The following CNOT4 variants were observed in gnomAD, a reference collection of about 807,000 sequenced individuals.
The protein encoded by CNOT4 is CCR4-associated factor 4.
In CNOT4, 8 loss-of-function variants were observed where a neutral mutation model predicts 73.8. That is an observed-to-expected ratio of 0.11 (90% CI 0.06 to 0.20). The LOEUF is 0.20. Ranked by LOEUF, CNOT4 falls within the 10% of genes least tolerant of loss-of-function variation. The pLI is 1.00. For synonymous variants in CNOT4, 293 were observed against 321.1 expected, an observed-to-expected ratio of 0.91 and a Z score of 0.94; for missense variants, 564 against 883.4, an observed-to-expected ratio of 0.64 and a Z score of 4.58.
Position 135,363,952 on chromosome 7 carries a change from G to A in CNOT4, c.1742C>T (p.Ser581Phe). The A allele has an allele frequency of 1.5e-5, 24 of 1,598,608 alleles. No homozygotes were observed. Among genetic ancestry groups the A allele is most frequent in the Non-Finnish European group, 2.0e-5 (24 of 1,179,788 alleles). Residue 581 changes from serine to phenylalanine, a missense_variant, in exon 11 of 12, where the codon TCC (serine) becomes TTC (phenylalanine). By Grantham distance (155) the Ser-to-Phe change is radical (BLOSUM62 -2). This residue lies in a region of CNOT4 where 53 missense variants were observed against 75.4 expected (regional missense o/e 0.70). Coordinates refer to ENST00000541284, the MANE Select transcript of CNOT4 (RefSeq NM_001190850.2). The surrounding 1 kb of genome is among the most constrained non-coding windows in gnomAD (Gnocchi z 4.3). ...FGGLPNSSSPSNANHSAPTSN... is the reference protein window; with the variant it reads ...FGGLPNSSSPFNANHSAPTSN... ...CGTTGGTGCACTGTGGTTGGCGTTG[G>A]AGGGGGAAGAAGAATTGGGCAGTCC...
At chr7:135,372,553 ATGT>A (rs1563010575) in intron 10 of CNOT4, among the ~76,000 whole-genome samples, 1 of 132,740 alleles carries the variant, frequency 7.5e-6, no homozygotes. Flanking sequence ...GTTTGCTACC[ATGT>A]TTTTTTTTTT....
rs58220290 is a variant in CNOT4, at chr7:135,463,575, C to CAACCA, written c.-92-25153_-92-25152insTGGTT. On this transcript the variant is annotated intron_variant, in intron 1 of 11. Transcript: ENST00000541284. ...AAAAAAAAAAAACCAACCAACCAAC[C>CAACCA]ACCGTGGAAGACAACCTAGACAAAT... Among the ~76,000 whole-genome samples, 157 of 147,664 alleles carry CAACCA rather than the reference C, an allele frequency of 1.1e-3. 3 individuals are homozygous for CAACCA. Among genetic ancestry groups the CAACCA allele is most frequent in the Non-Finnish European group, 1.4e-3 (95 of 67,652 alleles).
intron 2 of CNOT4, among the ~76,000 whole-genome samples, chr7:135,428,035 C>G (rs1346803238): frequency 6.6e-6 from 1 of 152,072 alleles, no homozygotes; most frequent in African/African-American, 2.4e-5. Flanking sequence ...AGAGGATAGT[C>G]TCAGGGTAAG....
chr7:135,436,091 T>C (rs1799138126), intron 2 of CNOT4, among the ~76,000 whole-genome samples: 1 of 152,172 alleles, frequency 6.6e-6, no homozygotes, highest in Admixed American at 6.5e-5. Flanking sequence ...AATGTCCTTC[T>C]TGTCTTTCAG....
chr7:135,394,423 G>T lies in CNOT4; in HGVS notation c.1130-8C>A. On this transcript the variant is annotated splice_region_variant and splice_polypyrimidine_tract_variant and intron_variant, in intron 9 of 11. Coordinates refer to ENST00000541284, the MANE Select transcript of CNOT4 (RefSeq NM_001190850.2). ...ATGATACTGGGATTGTTTCTGTTGG[G>T]AAGAAAAATAGTGATGAATATCAGA... The T allele has an allele frequency of 6.3e-7, 1 of 1,587,520 alleles. No homozygotes were observed. Among genetic ancestry groups the T allele is most frequent in the Non-Finnish European group, 8.6e-7 (1 of 1,165,870 alleles).
At chr7:135,395,441 T>TA (rs1796625586) in intron 9 of CNOT4, among the ~76,000 whole-genome samples, 193 bp downstream of exon 9, 1 of 152,230 alleles carries the variant, frequency 6.6e-6, no homozygotes, top group Non-Finnish European at 1.5e-5. Context: ...AGAAATCTTT[T>TA]AACACAGTAA....
chr7:135,379,049 T>C lies in CNOT4; in HGVS notation c.1627+14869A>G, dbSNP rs967948371. On this transcript the variant is annotated intron_variant, in intron 10 of 11. Transcript: ENST00000541284. ...AAATTCAAGCCTGTCAGGAATCCAGTAGGAAAATCATATAGGTAGTGTACA... is the reference window on the plus strand; with the variant it reads ...AAATTCAAGCCTGTCAGGAATCCAGCAGGAAAATCATATAGGTAGTGTACA... 6.0e-5 allele frequency among the ~76,000 whole-genome samples: 9 copies of C among 150,694 alleles called. No homozygotes were observed. In the South Asian group the frequency reaches 1.1e-3, roughly 18 times the overall value.
At chr7:135,495,691 AAAGAAAG>A (rs1803486234) in intron 1 of CNOT4, among the ~76,000 whole-genome samples, 4 of 13,104 alleles carry the variant, frequency 3.1e-4, no homozygotes, top group African/African-American at 7.5e-4. Flanking sequence ...AAAAAAAAAA[AAAGAAAG>A]AAAGAAAGAA....
chr7:135,407,935 T>C (rs980621102), intron 7 of CNOT4, among the ~76,000 whole-genome samples: 2 of 152,222 alleles, frequency 1.3e-5, no homozygotes, highest in Non-Finnish European at 2.9e-5. Flanking sequence ...CTGTAACTCA[T>C]ATAAAACTTT....
chr7:135,434,020 C>T (rs966831298), intron 2 of CNOT4, among the ~76,000 whole-genome samples: 2 of 152,196 alleles, frequency 1.3e-5, no homozygotes, highest in African/African-American at 2.4e-5. Flanking sequence ...AAAACAGGCA[C>T]GTTTCATATT....
intron 2 of CNOT4, among the ~76,000 whole-genome samples, chr7:135,429,695 C>T (rs1798704804): frequency 6.6e-6 from 1 of 152,148 alleles, no homozygotes; most frequent in Admixed American, 6.5e-5. Context: ...AACAGACAAG[C>T]CCTATCATCA....
chr7:135,404,221 G>C (rs1426580524), intron 7 of CNOT4, among the ~76,000 whole-genome samples: 1 of 152,172 alleles, frequency 6.6e-6, no homozygotes, highest in Non-Finnish European at 1.5e-5. Context: ...TATAAACTCA[G>C]AAAAACCTAG....
Position 135,417,072 on chromosome 7 carries a change from T to A in CNOT4, c.373-1810A>T, listed in dbSNP as rs180672705. ...TCATGGTACCTGAGTTGCCAATTCA[T>A]ACACCAGTAACAATCTGCATTTGTA... On this transcript the variant is annotated intron_variant, in intron 3 of 11. Transcript: ENST00000541284. Among the ~76,000 whole-genome samples the A allele has an allele frequency of 2.4e-3, 359 of 152,340 alleles. 1 individual carries two copies. The highest frequency in any genetic ancestry group is 3.5e-3 in the Non-Finnish European group (241 of 68,026).
At chr7:135,417,290 T>C (rs761690593) in intron 3 of CNOT4, among the ~76,000 whole-genome samples, 9 of 152,198 alleles carry the variant, frequency 5.9e-5, no homozygotes, top group Non-Finnish European at 1.0e-4. Flanking sequence ...GATATTAATG[T>C]TATGGGCCCA....
chr7:135,456,447 T>C (rs1007793937), intron 1 of CNOT4, among the ~76,000 whole-genome samples: 1 of 152,068 alleles, frequency 6.6e-6, no homozygotes, highest in Non-Finnish European at 1.5e-5. Flanking sequence ...ATCTTTTGAC[T>C]ACATATTAGG....
intron 7 of CNOT4, among the ~76,000 whole-genome samples, chr7:135,406,762 C>A (rs1232199706): frequency 6.6e-6 from 1 of 152,110 alleles, no homozygotes; most frequent in East Asian, 1.9e-4. Flanking sequence ...CCTCCTGTTT[C>A]CCCCTTTACA....
intron 10 of CNOT4, among the ~76,000 whole-genome samples, chr7:135,376,719 TCA>T (rs1380606286): frequency 6.6e-6 from 1 of 152,182 alleles, no homozygotes; most frequent in Admixed American, 6.5e-5. Flanking sequence ...ATAGTAAAGA[TCA>T]GTCAGTCTTA....
chr7:135,440,867 C>T (rs959294095), intron 1 of CNOT4, among the ~76,000 whole-genome samples: 3 of 150,314 alleles, frequency 2.0e-5, no homozygotes, highest in African/African-American at 7.4e-5. Flanking sequence ...GGCAGCGAGC[C>T]GAGATCATTG....
intron 1 of CNOT4, among the ~76,000 whole-genome samples, chr7:135,449,272 G>A (rs2129485806): frequency 6.6e-6 from 1 of 152,230 alleles, no homozygotes; most frequent in Non-Finnish European, 1.5e-5. Context: ...TGGGGCAGGG[G>A]GATTCTGAGG....
Sources: gnomAD v4.1 joint callset for allele counts (sites outside exome capture counted in the v4.1 genomes callset) on GRCh38, gnomAD v4.1.1 for gene constraint, gnomAD v4.1.1 regional missense constraint, Gnocchi (gnomAD v3.1) non-coding constraint, MANE v1.5 for transcripts, NCBI Gene and HGNC (gene_info 2026-07-23, HGNC 2026-07-21) for gene names.